The following ZDHHC14 variants were observed in gnomAD, a reference collection of about 807,000 sequenced individuals.
The protein encoded by ZDHHC14 is palmitoyltransferase ZDHHC14.
In ZDHHC14, 16 loss-of-function variants were observed where a neutral mutation model predicts 47.7. The observed-to-expected ratio is 0.34, with a 90% CI of 0.23 to 0.51. ZDHHC14 has a LOEUF of 0.51. ZDHHC14 is among the 20% of genes least tolerant of loss of function. ZDHHC14 has a pLI of 0.97. For missense variants in ZDHHC14, 515 were observed against 662.5 expected, an observed-to-expected ratio of 0.78 and a Z score of 2.44; for synonymous variants, 293 against 278.9, an observed-to-expected ratio of 1.05 and a Z score of -0.50.
chr6:157,640,718 A>T (rs1229740324), intron 5 of ZDHHC14, among the ~76,000 whole-genome samples: 1 of 152,226 alleles, frequency 6.6e-6, no homozygotes, highest in Non-Finnish European at 1.5e-5. Context: ...AGGGTCAGGA[A>T]GAAAAAGCAT....
intron 1 of ZDHHC14, among the ~76,000 whole-genome samples, chr6:157,443,715 T>G (rs1778603786): frequency 6.6e-6 from 1 of 152,210 alleles, no homozygotes; most frequent in Non-Finnish European, 1.5e-5. Flanking sequence ...CACATGGATA[T>G]TCATGGCTCT....
At chr6:157,636,298 A>C (rs762658004) in intron 5 of ZDHHC14, among the ~76,000 whole-genome samples, 4 of 151,466 alleles carry the variant, frequency 2.6e-5, no homozygotes, top group Admixed American at 2.0e-4. Flanking sequence ...CTATAGACGC[A>C]CACACACACA....
rs1466110673 is a variant in ZDHHC14 at position 157,582,986 on chromosome 6, C to T, written c.407-10002C>T. ...GAGCCAGTCTTTAAGCTGTGAGATT[C>T]CTTCTTCTGCTTGGTATGTTCTGCT... is the stretch of plus-strand genomic sequence containing the variant. On this transcript the variant is annotated intron_variant, in intron 2 of 8. Transcript: ENST00000359775. This position sits in a 1 kb window ranked among gnomAD's most constrained non-coding sequence, Gnocchi z 4.3. Among the ~76,000 whole-genome samples, 1 of 151,472 alleles carries T rather than the reference C, an allele frequency of 6.6e-6. No homozygotes were observed. The highest frequency in any genetic ancestry group is 1.5e-5 in the Non-Finnish European group (1 of 67,912).
intron 1 of ZDHHC14, among the ~76,000 whole-genome samples, chr6:157,462,479 T>A (rs150219831): frequency 2.0e-5 from 3 of 152,344 alleles, no homozygotes; most frequent in African/African-American, 7.2e-5. Context: ...GGGGCTGTCT[T>A]CCACCACATT....
At chr6:157,482,324 G>A (rs956904821) in intron 1 of ZDHHC14, among the ~76,000 whole-genome samples, 4 of 145,766 alleles carry the variant, frequency 2.7e-5, no homozygotes, top group Admixed American at 2.1e-4. Flanking sequence ...GCAGTGGCAC[G>A]ATCTCGGCTC....
At chr6:157,633,674 C>T (rs990953535) in intron 5 of ZDHHC14, among the ~76,000 whole-genome samples, 6 of 152,038 alleles carry the variant, frequency 3.9e-5, no homozygotes, top group Non-Finnish European at 8.8e-5. Context: ...GGGAATTATT[C>T]GTTTTTGTTT....
intron 1 of ZDHHC14, among the ~76,000 whole-genome samples, chr6:157,521,309 A>T (rs565202141): frequency 9.2e-5 from 14 of 152,320 alleles, no homozygotes; most frequent in African/African-American, 3.1e-4. Flanking sequence ...GGCTCAAAAA[A>T]TTCTGGAAGC....
chr6:157,411,052 G>A (rs762609556), intron 1 of ZDHHC14, among the ~76,000 whole-genome samples: 26 of 152,246 alleles, frequency 1.7e-4, no homozygotes, highest in Non-Finnish European at 7.3e-5. Context: ...GTCCAGGCCA[G>A]TGGCTCAGAA....
chr6:157,523,323 C>T (rs1363987275), intron 1 of ZDHHC14, among the ~76,000 whole-genome samples: 1 of 152,106 alleles, frequency 6.6e-6, no homozygotes. Context: ...ATGTCTTTCT[C>T]AGTTCATCGC....
At chr6:157,611,219 C>T (rs187612813) in intron 3 of ZDHHC14, among the ~76,000 whole-genome samples, 28 of 152,240 alleles carry the variant, frequency 1.8e-4, no homozygotes, top group South Asian at 4.1e-4. Flanking sequence ...AGGTTGGTCT[C>T]AAACTCCTGA....
chr6:157,495,850 A>T (rs952763406), intron 1 of ZDHHC14, among the ~76,000 whole-genome samples: 2 of 151,854 alleles, frequency 1.3e-5, no homozygotes, highest in African/African-American at 2.4e-5. Flanking sequence ...GACTACAGGC[A>T]TGCGCCACCA....
At chr6:157,398,981 C>T (rs912705293) in intron 1 of ZDHHC14, among the ~76,000 whole-genome samples, 18 of 152,252 alleles carry the variant, frequency 1.2e-4, no homozygotes, top group African/African-American at 3.4e-4. Context: ...AATGTCTGGT[C>T]GTATACATGG....
Position 157,606,111 on chromosome 6 carries a change from AC to A in ZDHHC14, c.565+12966del, listed in dbSNP as rs991982190. Among the ~76,000 whole-genome samples the A allele has an allele frequency of 1.1e-3, 165 of 152,272 alleles. 1 individual carries two copies. The highest frequency in any genetic ancestry group is 3.9e-3 in the African/African-American group (162 of 41,558). On this transcript the variant is annotated intron_variant, in intron 3 of 8. Transcript: ENST00000359775. ...TGCACATTTTAGTTTTCAGGATAAC[AC>A]AGGTCTCTATGCCTCAGACCGGGCA... is the stretch of plus-strand genomic sequence containing the variant.
At chr6:157,657,819 A>G (rs1778171226) in intron 8 of ZDHHC14, among the ~76,000 whole-genome samples, 1 of 152,220 alleles carries the variant, frequency 6.6e-6, no homozygotes, top group South Asian at 2.1e-4. Flanking sequence ...GTCAGCCAGC[A>G]GGCTTTAAGA....
At chr6:157,389,683 T>G (rs1185739763) in intron 1 of ZDHHC14, among the ~76,000 whole-genome samples, 1 of 152,220 alleles carries the variant, frequency 6.6e-6, no homozygotes, top group Non-Finnish European at 1.5e-5. Context: ...CAATGTGCAT[T>G]TTTAACCAAT....
In ZDHHC14 at chr6:157,462,106, G is replaced by A. The variant is rs561756274; in HGVS notation, c.245+79840G>A. On this transcript the variant is annotated intron_variant, in intron 1 of 8. Transcript: ENST00000359775. ...CACTATAGATCTGTGAGTTCACATA[G>A]TTTCTGAGCTTATTTATAGTTTCAG... 4.6e-5 allele frequency among the ~76,000 whole-genome samples: 7 copies of A among 152,232 alleles called. No homozygotes were observed. The East Asian group carries it at 1.2e-3, about 25-fold the overall frequency.
At chr6:157,539,064 C>A (rs769407195) in intron 1 of ZDHHC14, among the ~76,000 whole-genome samples, 1 of 151,856 alleles carries the variant, frequency 6.6e-6, no homozygotes, top group African/African-American at 2.4e-5. Flanking sequence ...TTGGAGCTGG[C>A]GGTGGTGGTT....
chr6:157,611,863 C>T (rs1784762333), intron 3 of ZDHHC14, among the ~76,000 whole-genome samples: 2 of 152,130 alleles, frequency 1.3e-5, no homozygotes, highest in African/African-American at 2.4e-5. Context: ...GTGGCTCTGA[C>T]GAGTGTGTGT....
rs750302821 is a variant in ZDHHC14 at position 157,653,728 on chromosome 6, G to A, written c.1068+101G>A. 73 of 1,226,372 alleles carry A rather than the reference G, an allele frequency of 6.0e-5. 1 individual carries two copies. Among genetic ancestry groups the A allele is most frequent in the South Asian group, 3.0e-4 (23 of 76,530 alleles). 76.0% of individuals were successfully genotyped at this position (1,226,372 alleles called of 1,614,324 possible). ...CTTCCTAGCAAACCTCCCCAGGAGC[G>A]GGGGCAGCCCACAGCCGCCCACCCC... On this transcript the variant is annotated intron_variant, in intron 8 of 8. Coordinates refer to ENST00000359775, the MANE Select transcript of ZDHHC14 (RefSeq NM_024630.3).
Sources: allele counts gnomAD v4.1 joint callset (sites outside exome capture counted in the v4.1 genomes callset), GRCh38; gene constraint gnomAD v4.1.1; non-coding constraint Gnocchi (gnomAD v3.1); transcripts MANE v1.5; gene names NCBI Gene and HGNC (gene_info 2026-07-23, HGNC 2026-07-21).